Variants in GALNTL6 observed in about 807,000 individuals in gnomAD.
GALNTL6 encodes the protein polypeptide N-acetylgalactosaminyltransferase like 6, also known as polypeptide N-acetylgalactosaminyltransferase-like 6.
In GALNTL6, 46 loss-of-function variants were observed where a neutral mutation model predicts 73.7. The observed-to-expected ratio is 0.62, with a 90% CI of 0.49 to 0.80. The LOEUF (loss-of-function observed/expected upper bound fraction) is 0.80. GALNTL6 is among the 30% of genes least tolerant of loss of function. The pLI is 0.00. For synonymous variants in GALNTL6, 259 were observed against 263.7 expected, an observed-to-expected ratio of 0.98 and a Z score of 0.17; for missense variants, 604 against 755.0, an observed-to-expected ratio of 0.80 and a Z score of 2.34.
chr4:172,896,087 G>C (rs1746315291), intron 8 of GALNTL6, among the ~76,000 whole-genome samples: 1 of 152,148 alleles, frequency 6.6e-6, no homozygotes, highest in African/African-American at 2.4e-5. Flanking sequence ...TTGTCTGAGA[G>C]GTCACACATC....
At chr4:172,083,324 C>T (rs1258356742) in intron 2 of GALNTL6, among the ~76,000 whole-genome samples, 4 of 152,158 alleles carry the variant, frequency 2.6e-5, no homozygotes, top group Non-Finnish European at 4.4e-5. Flanking sequence ...TAGATCCTGT[C>T]ATTTCCATGC....
Position 172,179,913 on chromosome 4 carries a change from C to T in GALNTL6, c.139-49743C>T, listed in dbSNP as rs1735181076. On this transcript the variant is annotated intron_variant, in intron 2 of 12. Coordinates refer to ENST00000506823, the MANE Select transcript of GALNTL6 (RefSeq NM_001034845.3). ...CAGTGCTGCAATAAACATACATGTG[C>T]ATGTGTCTTCATAGTAGAATGATTT... 2.6e-5 allele frequency among the ~76,000 whole-genome samples: 4 copies of T among 152,270 alleles called. No homozygotes were observed. In the South Asian group the frequency reaches 8.3e-4, roughly 32 times the overall value.
intron 5 of GALNTL6, among the ~76,000 whole-genome samples, chr4:172,730,246 G>C (rs539967557): frequency 5.3e-5 from 8 of 152,030 alleles, no homozygotes; most frequent in African/African-American, 1.9e-4. Flanking sequence ...AATTGTTCTG[G>C]CCAGGACTTC....
intron 3 of GALNTL6, among the ~76,000 whole-genome samples, chr4:172,264,881 A>G (rs951421463): frequency 4.0e-5 from 6 of 150,104 alleles, no homozygotes; most frequent in East Asian, 2.0e-4. Flanking sequence ...GAAAAGCTGC[A>G]TAGTTTTCTT....
At chr4:172,583,683 C>A (rs567132064) in intron 5 of GALNTL6, among the ~76,000 whole-genome samples, 1 of 151,858 alleles carries the variant, frequency 6.6e-6, no homozygotes, top group Admixed American at 6.6e-5. Flanking sequence ...GGGTGGATCA[C>A]GATGTCAGGA....
intron 2 of GALNTL6, among the ~76,000 whole-genome samples, chr4:172,143,630 T>C (rs7678546): frequency 0.46 from 69,219 of 151,842 alleles, 16,673 homozygotes; most frequent in African/African-American, 0.6. Flanking sequence ...TATTGTTATC[T>C]GCCTTCCCCA....
chr4:172,716,222 CACA>C (rs1735080407), intron 5 of GALNTL6, among the ~76,000 whole-genome samples: 1 of 152,144 alleles, frequency 6.6e-6, no homozygotes, highest in Admixed American at 6.5e-5. Flanking sequence ...GAAAAACCCA[CACA>C]ACAATAGCTA....
At chr4:172,925,892 C>T (rs1330495997) in intron 8 of GALNTL6, among the ~76,000 whole-genome samples, 1 of 152,282 alleles carries the variant, frequency 6.6e-6, no homozygotes, top group East Asian at 1.9e-4. Context: ...TATGCACGTA[C>T]ATCTGTAAAC....
At chr4:172,096,517 A>G (rs78345044) in intron 2 of GALNTL6, among the ~76,000 whole-genome samples, 2 of 145,964 alleles carry the variant, frequency 1.4e-5, no homozygotes, top group Non-Finnish European at 3.0e-5. Flanking sequence ...GATTGCTTAT[A>G]TTTACTGACA....
intron 10 of GALNTL6, among the ~76,000 whole-genome samples, chr4:172,999,458 G>A (rs992846456): frequency 2.0e-5 from 3 of 152,106 alleles, no homozygotes. Flanking sequence ...ACTGACAAAG[G>A]AGAAATATCT....
intron 5 of GALNTL6, among the ~76,000 whole-genome samples, chr4:172,751,456 T>C (rs2110782644): frequency 6.6e-6 from 1 of 152,328 alleles, no homozygotes; most frequent in African/African-American, 2.4e-5. Flanking sequence ...ACTATTTCAC[T>C]AATCTTTCTC....
intron 10 of GALNTL6, among the ~76,000 whole-genome samples, chr4:172,976,298 T>A (rs967736611): frequency 6.6e-6 from 1 of 152,230 alleles, no homozygotes; most frequent in Non-Finnish European, 1.5e-5. Flanking sequence ...GTATAAAAAA[T>A]TCTATTTAGA....
At chr4:172,004,415 T>G (rs1299245779) in intron 2 of GALNTL6, among the ~76,000 whole-genome samples, 3 of 151,082 alleles carry the variant, frequency 2.0e-5, no homozygotes, top group Non-Finnish European at 4.4e-5. Context: ...TTAATGGTGG[T>G]TTTTTTTTCT....
chr4:171,943,339 T>C (rs1007777571), intron 2 of GALNTL6, among the ~76,000 whole-genome samples: 4 of 152,196 alleles, frequency 2.6e-5, no homozygotes, highest in Non-Finnish European at 5.9e-5. Flanking sequence ...AAAGGATTCC[T>C]ATACCAGAAA....
rs1256695388 is a variant in GALNTL6, at chr4:173,040,681, A to C, written c.*581A>C. 6.6e-6 allele frequency: 1 copy of C among 152,582 alleles called. No individual in the cohort carries two copies. Among genetic ancestry groups the C allele is most frequent in the Non-Finnish European group, 1.5e-5 (1 of 68,048 alleles). The allele number at this position is 152,582 out of a possible 1,614,324, so 9.5% of individuals were successfully genotyped here. A position where few individuals can be genotyped will look rare whatever the true frequency, so the allele number is the denominator to read the frequency against. ...AAATGAGGGTGCAATATCTAATGTA[A>C]GACTTAAATTACATAATGAAATGGA... is the stretch of plus-strand genomic sequence containing the variant. On this transcript the variant is annotated 3_prime_UTR_variant, in exon 13 of 13. Transcript: ENST00000506823.
chr4:171,987,435 G>A (rs987735956), intron 2 of GALNTL6, among the ~76,000 whole-genome samples: 2 of 152,134 alleles, frequency 1.3e-5, no homozygotes, highest in Non-Finnish European at 2.9e-5. Flanking sequence ...TGACTGCGGT[G>A]GCCTTCTCAG....
At chr4:172,423,228 T>C (rs1450889500) in intron 5 of GALNTL6, among the ~76,000 whole-genome samples, 1 of 152,042 alleles carries the variant, frequency 6.6e-6, no homozygotes, top group Admixed American at 6.6e-5. Flanking sequence ...TTCCCAGTCC[T>C]TTCTAGTAGC....
At chr4:171,895,765 G>A (rs1313397045) in intron 2 of GALNTL6, among the ~76,000 whole-genome samples, 2 of 152,076 alleles carry the variant, frequency 1.3e-5, no homozygotes, top group African/African-American at 4.8e-5. Flanking sequence ...TAGTAGGAAA[G>A]AAATTTAAAG....
chr4:172,387,942 C>T (rs1452341467), intron 5 of GALNTL6, among the ~76,000 whole-genome samples: 1 of 152,096 alleles, frequency 6.6e-6, no homozygotes, highest in Non-Finnish European at 1.5e-5. Flanking sequence ...TTACTTTCCT[C>T]TCAAATACAT....
Sources: allele counts gnomAD v4.1 joint callset (sites outside exome capture counted in the v4.1 genomes callset), GRCh38; gene constraint gnomAD v4.1.1; transcripts MANE v1.5; gene names NCBI Gene and HGNC (gene_info 2026-07-23, HGNC 2026-07-21).